Variants in FHOD3 observed in about 807,000 individuals in gnomAD.
FHOD3 encodes the protein formin homology 2 domain containing 3.
A neutral mutation model predicts 173.0 loss-of-function variants in FHOD3; 90 were observed. The ratio of observed to expected loss-of-function variants is 0.52; its 90% CI spans 0.44 to 0.62. The LOEUF is 0.62. Among genes scored for constraint, FHOD3 ranks in the 20% least tolerant of loss-of-function variants. The probability of loss-of-function intolerance (pLI) is 0.00; values close to 1 mark genes in which losing one functional copy is unlikely to be tolerated. For synonymous variants in FHOD3, 828 were observed against 823.0 expected (o/e 1.01, Z -0.10); for missense variants, 1,945 against 2,034.7 (o/e 0.96, Z 0.85).
chr18:36,578,092 C>T (rs991615063), intron 6 of FHOD3, among the ~76,000 whole-genome samples: 5 of 152,166 alleles, frequency 3.3e-5, no homozygotes, highest in African/African-American at 9.7e-5. Context: ...CTGAATTAAA[C>T]AGGTCACAGA....
chr18:36,466,237 A>C (rs1019954874), intron 3 of FHOD3, among the ~76,000 whole-genome samples: 3 of 152,204 alleles, frequency 2.0e-5, no homozygotes, highest in African/African-American at 4.8e-5. Context: ...TTTGCATTCA[A>C]GTCCTCAGTG....
At chr18:36,451,611 C>T (rs923764679) in intron 3 of FHOD3, among the ~76,000 whole-genome samples, 3 of 152,204 alleles carry the variant, frequency 2.0e-5, no homozygotes, top group Non-Finnish European at 4.4e-5. Flanking sequence ...CCTCCCTCCT[C>T]TTCCTTCTCC....
chr18:36,336,780 T>C (rs759690871), intron 1 of FHOD3, among the ~76,000 whole-genome samples: 34 of 117,052 alleles, frequency 2.9e-4, no homozygotes, highest in Non-Finnish European at 4.4e-4. Context: ...ACCTGGGAGG[T>C]GGAGTTGCAG....
chr18:36,338,767 T>C (rs891407866), intron 1 of FHOD3, among the ~76,000 whole-genome samples: 1 of 152,150 alleles, frequency 6.6e-6, no homozygotes, highest in Non-Finnish European at 1.5e-5. Context: ...TGGCTTCTGC[T>C]CCTGGGCCTT....
At chr18:36,752,743 T>G (rs771480320) in intron 24 of FHOD3, among the ~76,000 whole-genome samples, 9 of 152,222 alleles carry the variant, frequency 5.9e-5, no homozygotes, top group Non-Finnish European at 1.0e-4. Flanking sequence ...GGATTCCCTG[T>G]GCATCCAAAA....
chr18:36,335,509 A>AT (rs2045263375), intron 1 of FHOD3, among the ~76,000 whole-genome samples: 1 of 151,292 alleles, frequency 6.6e-6, no homozygotes, highest in Non-Finnish European at 1.5e-5. Flanking sequence ...AAAAAAAAAA[A>AT]CTTAAAAAAA....
intron 5 of FHOD3, among the ~76,000 whole-genome samples, chr18:36,561,357 T>C (rs2058076045): frequency 6.6e-6 from 1 of 152,142 alleles, no homozygotes; most frequent in African/African-American, 2.4e-5. Flanking sequence ...CTGGGGACAC[T>C]CAGCCTTGTC....
chr18:36,582,634 C>T (rs1286368864), intron 6 of FHOD3, among the ~76,000 whole-genome samples: 2 of 152,186 alleles, frequency 1.3e-5, no homozygotes, highest in African/African-American at 2.4e-5. Flanking sequence ...GAACCCTGTC[C>T]AAGCTAAACT....
chr18:36,689,252 A>C (rs1283526636), intron 16 of FHOD3, among the ~76,000 whole-genome samples: 1 of 152,210 alleles, frequency 6.6e-6, no homozygotes, highest in African/African-American at 2.4e-5. Context: ...AAACTAGTAG[A>C]GATCAGAGGT....
chr18:36,587,160 G>C (rs1445232212), intron 6 of FHOD3, among the ~76,000 whole-genome samples: 2 of 152,138 alleles, frequency 1.3e-5, no homozygotes, highest in African/African-American at 4.8e-5. Flanking sequence ...ATGGTGGGGG[G>C]AACTTCTCAA....
At chr18:36,709,623 A>G (rs1005830619) in intron 18 of FHOD3, 29 of 535,990 alleles carry the variant, frequency 5.4e-5, no homozygotes, top group Admixed American at 2.7e-4. Context: ...ACACCATCAC[A>G]TTCATCACCT....
chr18:36,558,999 A>C (rs564778007), intron 5 of FHOD3, among the ~76,000 whole-genome samples: 1 of 152,022 alleles, frequency 6.6e-6, no homozygotes, highest in Non-Finnish European at 1.5e-5. Flanking sequence ...AAGCTATTCT[A>C]TTGTCACCAG....
chr18:36,436,909 G>A (rs2050837680), intron 3 of FHOD3, among the ~76,000 whole-genome samples: 1 of 152,160 alleles, frequency 6.6e-6, no homozygotes, highest in Non-Finnish European at 1.5e-5. Context: ...ATACCTCTGT[G>A]AGACTCCTTT....
At chr18:36,595,595 T>G (rs1348363375) in intron 7 of FHOD3, among the ~76,000 whole-genome samples, 1 of 152,162 alleles carries the variant, frequency 6.6e-6, no homozygotes, top group African/African-American at 2.4e-5. Flanking sequence ...TCTCTCCAAG[T>G]CGGGGTTGCC....
chr18:36,702,751 G>T (rs2149592492), intron 17 of FHOD3, among the ~76,000 whole-genome samples: 1 of 152,366 alleles, frequency 6.6e-6, no homozygotes, highest in Admixed American at 6.5e-5. Flanking sequence ...TGGACACTCT[G>T]AACTCGGCTG....
chr18:36,737,223 G>A (rs144653524), intron 20 of FHOD3, among the ~76,000 whole-genome samples: 78 of 152,308 alleles, frequency 5.1e-4, no homozygotes, highest in Non-Finnish European at 8.8e-4. Flanking sequence ...AAGAGTAACT[G>A]CTTTCTCAAA....
At chr18:36,452,773 T>C (rs1386428766) in intron 3 of FHOD3, among the ~76,000 whole-genome samples, 1 of 152,162 alleles carries the variant, frequency 6.6e-6, no homozygotes, top group Non-Finnish European at 1.5e-5. Context: ...TATAGCAGGA[T>C]TTTCTTTTTT....
At chr18:36,455,554 C>A in intron 3 of FHOD3, among the ~76,000 whole-genome samples, 1 of 142,912 alleles carries the variant, frequency 7.0e-6, no homozygotes, top group African/African-American at 2.7e-5. Context: ...CAGATGTCGG[C>A]AATGTTCATT....
chr18:36,769,007 TA>T (rs1436717075), intron 27 of FHOD3, among the ~76,000 whole-genome samples: 2 of 152,174 alleles, frequency 1.3e-5, no homozygotes, highest in Admixed American at 1.3e-4. Flanking sequence ...ACAGCTGTGT[TA>T]CAGGGTGATA....
Sources: gnomAD v4.1 joint callset for allele counts (sites outside exome capture counted in the v4.1 genomes callset) on GRCh38, gnomAD v4.1.1 for gene constraint, MANE v1.5 for transcripts, NCBI Gene and HGNC (gene_info 2026-07-23, HGNC 2026-07-21) for gene names.